The following LDLRAD4 variants were observed in gnomAD, a reference collection of about 807,000 sequenced individuals.
LDLRAD4 encodes low density lipoprotein receptor class A domain containing 4.
A neutral mutation model predicts 17.0 loss-of-function variants in LDLRAD4; 5 were observed. That is an observed-to-expected ratio of 0.29 (90% CI 0.15 to 0.62). The LOEUF is 0.62. Among genes scored for constraint, LDLRAD4 ranks in the 20% least tolerant of loss-of-function variants. The pLI, the probability that LDLRAD4 is intolerant of heterozygous loss-of-function variation, is 0.84. For synonymous variants in LDLRAD4, 168 were observed against 171.8 expected, an observed-to-expected ratio of 0.98 and a Z score of 0.17; for missense variants, 340 against 424.7, an observed-to-expected ratio of 0.80 and a Z score of 1.75.
At chr18:13,279,857 C>CT (rs1442937506) in intron 1 of LDLRAD4, 1 of 152,260 alleles carries the variant, frequency 6.6e-6, no homozygotes, top group Non-Finnish European at 1.5e-5. Flanking sequence ...GTCGTAAGAA[C>CT]TTTCACACCT....
chr18:13,333,559 T>A (rs59502095), intron 1 of LDLRAD4, among the ~76,000 whole-genome samples: 2,451 of 152,332 alleles, frequency 0.016, 67 homozygotes, highest in African/African-American at 0.057. Context: ...AGTTCTATGA[T>A]CTGTTTAGAG....
intron 1 of LDLRAD4, among the ~76,000 whole-genome samples, chr18:13,255,849 T>C (rs2043475305): frequency 6.6e-6 from 1 of 152,112 alleles, no homozygotes; most frequent in Non-Finnish European, 1.5e-5. Context: ...GCACTGGAAT[T>C]CCATTTTATC....
intron 3 of LDLRAD4, among the ~76,000 whole-genome samples, chr18:13,544,803 C>T (rs77591216): frequency 0.017 from 2,542 of 151,708 alleles, 26 homozygotes; most frequent in Non-Finnish European, 0.024. Flanking sequence ...TAGGTCCAAC[C>T]GTTTCAGCTG....
intron 3 of LDLRAD4, among the ~76,000 whole-genome samples, chr18:13,475,076 C>A (rs1435086299): frequency 6.6e-6 from 1 of 152,170 alleles, no homozygotes; most frequent in Non-Finnish European, 1.5e-5. Flanking sequence ...TTAGTCACAT[C>A]CAGTGTTGAC....
intron 1 of LDLRAD4, among the ~76,000 whole-genome samples, chr18:13,377,075 A>T (rs1449191317): frequency 6.6e-6 from 1 of 152,190 alleles, no homozygotes; most frequent in African/African-American, 2.4e-5. Context: ...CTGAAGGTGC[A>T]TCGAGTCGGG....
intron 3 of LDLRAD4, among the ~76,000 whole-genome samples, chr18:13,469,752 G>A (rs998282801): frequency 2.6e-5 from 4 of 152,206 alleles, no homozygotes; most frequent in African/African-American, 7.2e-5. Flanking sequence ...CTGCTTGATG[G>A]TTACAGAGTT....
At chr18:13,246,029 T>C (rs1396879985) in intron 1 of LDLRAD4, among the ~76,000 whole-genome samples, 1 of 152,252 alleles carries the variant, frequency 6.6e-6, no homozygotes, top group Middle Eastern at 3.2e-3. Context: ...TATAAGTAGA[T>C]GCTCAAGAGC....
intron 3 of LDLRAD4, among the ~76,000 whole-genome samples, chr18:13,457,647 G>A (rs1355224544): frequency 1.3e-5 from 2 of 152,208 alleles, no homozygotes; most frequent in Non-Finnish European, 2.9e-5. Context: ...AGGGCTGTGG[G>A]GTACACAAGC....
chr18:13,519,542 C>T (rs1601043207), intron 3 of LDLRAD4, among the ~76,000 whole-genome samples: 1 of 152,176 alleles, frequency 6.6e-6, no homozygotes, highest in East Asian at 1.9e-4. Context: ...GGGCAGATTG[C>T]CTAAGCTCAG....
At chr18:13,642,619 GC>G (rs1265535317) in intron 4 of LDLRAD4, 3 of 1,230,432 alleles carry the variant, frequency 2.4e-6, no homozygotes, top group Non-Finnish European at 3.0e-6. Flanking sequence ...GCGCGGACTT[GC>G]GCCTCTGCTG....
chr18:13,590,087 G>A (rs11663165), intron 3 of LDLRAD4, among the ~76,000 whole-genome samples: 47,700 of 150,546 alleles, frequency 0.32, 8,515 homozygotes, highest in Middle Eastern at 0.42. Context: ...GTGCATGTGT[G>A]GGTGTGAGTG....
chr18:13,594,535 G>A (rs1034850447), intron 3 of LDLRAD4, among the ~76,000 whole-genome samples: 1 of 151,624 alleles, frequency 6.6e-6, no homozygotes, highest in African/African-American at 2.4e-5. Flanking sequence ...GCATGGAGGT[G>A]CATGCCTGTA....
intron 3 of LDLRAD4, chr18:13,489,982 A>C (rs2093325029): frequency 6.6e-6 from 1 of 152,102 alleles, no homozygotes; most frequent in Non-Finnish European, 1.5e-5. Context: ...AAAGGGAATA[A>C]AATTTAGGTT....
intron 1 of LDLRAD4, among the ~76,000 whole-genome samples, chr18:13,349,878 G>C (rs1252354488): frequency 6.6e-6 from 1 of 151,904 alleles, no homozygotes; most frequent in Non-Finnish European, 1.5e-5. Context: ...GTGAGAACAT[G>C]TGGTGTTTGG....
At chr18:13,610,442 C>G (rs1382060065) in intron 3 of LDLRAD4, among the ~76,000 whole-genome samples, 1 of 151,730 alleles carries the variant, frequency 6.6e-6, no homozygotes, top group Non-Finnish European at 1.5e-5. Context: ...CGTGTGCCAC[C>G]ACACCTGGCT....
chr18:13,244,859 T>G (rs1408832874), intron 1 of LDLRAD4, among the ~76,000 whole-genome samples: 1 of 152,206 alleles, frequency 6.6e-6, no homozygotes, highest in Non-Finnish European at 1.5e-5. Context: ...CATTTTAAAG[T>G]TAAATTTAAT....
intron 4 of LDLRAD4, among the ~76,000 whole-genome samples, chr18:13,639,663 TTTGG>T (rs1239632989): frequency 6.6e-6 from 1 of 152,172 alleles, no homozygotes; most frequent in African/African-American, 2.4e-5. Context: ...CTTCTCGGGT[TTTGG>T]CCTCAAGCTC....
At chr18:13,372,100 G>A (rs895604393) in intron 1 of LDLRAD4, among the ~76,000 whole-genome samples, 1 of 152,196 alleles carries the variant, frequency 6.6e-6, no homozygotes, top group African/African-American at 2.4e-5. Context: ...AATGTAAAAG[G>A]TTAGTTTACC....
chr18:13,540,801 TGATAACAGTTATAA>T (rs1309708843), intron 3 of LDLRAD4, among the ~76,000 whole-genome samples: 2 of 152,236 alleles, frequency 1.3e-5, no homozygotes, highest in Non-Finnish European at 2.9e-5. Context: ...CAGTGTCTGC[TGATAACAGTTATAA>T]GATGGAAGGT....
Sources: gnomAD v4.1 joint callset for allele counts (sites outside exome capture counted in the v4.1 genomes callset) on GRCh38, gnomAD v4.1.1 for gene constraint, MANE v1.5 for transcripts, NCBI Gene and HGNC (gene_info 2026-07-23, HGNC 2026-07-21) for gene names.